Variants in PCDHA10 observed in about 807,000 individuals in gnomAD.
PCDHA10 encodes protocadherin alpha 10.
Under a neutral mutation model 61.2 loss-of-function variants are expected in PCDHA10, and 45 were observed. The observed-to-expected ratio is 0.74, with a 90% CI of 0.58 to 0.94. The LOEUF is 0.94. Ranked by LOEUF, PCDHA10 falls within the 40% of genes least tolerant of loss-of-function variation. The probability of loss-of-function intolerance (pLI) is 0.00; values close to 1 mark genes in which losing one functional copy is unlikely to be tolerated. For missense variants in PCDHA10, 1,278 were observed against 1,236.2 expected (o/e 1.03, Z -0.51); for synonymous variants, 602 against 548.8 (o/e 1.10, Z -1.35).
At chr5:140,916,379 C>G (rs180755548) in intron 1 of PCDHA10, among the ~76,000 whole-genome samples, 2 of 152,302 alleles carry the variant, frequency 1.3e-5, no homozygotes, top group Admixed American at 6.5e-5. Context: ...GTAGCCACCA[C>G]AACTAGGAAT....
chr5:140,942,617 TG>T (rs1223896117), intron 1 of PCDHA10, among the ~76,000 whole-genome samples: 4 of 100,138 alleles, frequency 4.0e-5, no homozygotes, highest in Admixed American at 9.6e-5. Flanking sequence ...ATTTGCCAAT[TG>T]TAAAAAAAAA....
chr5:140,997,087 T>C (rs1218654416), intron 3 of PCDHA10, among the ~76,000 whole-genome samples: 4 of 152,156 alleles, frequency 2.6e-5, no homozygotes, highest in Non-Finnish European at 5.9e-5. Flanking sequence ...GAGTAGAAAG[T>C]GCAGAGTTCT....
chr5:140,954,610 A>T (rs1464657596), intron 1 of PCDHA10, among the ~76,000 whole-genome samples: 1 of 151,962 alleles, frequency 6.6e-6, no homozygotes, highest in East Asian at 1.9e-4. Flanking sequence ...CCACTTTTTA[A>T]TGGGCTTGTT....
At chr5:140,917,637 A>T (rs1257346290) in intron 1 of PCDHA10, among the ~76,000 whole-genome samples, 1 of 152,192 alleles carries the variant, frequency 6.6e-6, no homozygotes, top group Non-Finnish European at 1.5e-5. Context: ...TTAGCTAGTT[A>T]TCCCAGCAAT....
chr5:140,879,126 G>T (rs2057860982), intron 1 of PCDHA10, among the ~76,000 whole-genome samples: 2 of 152,182 alleles, frequency 1.3e-5, no homozygotes, highest in Admixed American at 1.3e-4. Context: ...GATTAGAGCA[G>T]GGGAGATTGT....
intron 1 of PCDHA10, among the ~76,000 whole-genome samples, chr5:140,880,655 G>A (rs782616371): frequency 6.6e-6 from 1 of 152,186 alleles, no homozygotes; most frequent in African/African-American, 2.4e-5. Context: ...CCCAACTGAG[G>A]TAAAGGTGAG....
chr5:140,953,837 C>T (rs1585533226), intron 1 of PCDHA10, among the ~76,000 whole-genome samples: 1 of 151,614 alleles, frequency 6.6e-6, no homozygotes, highest in African/African-American at 2.4e-5. Flanking sequence ...GGTTTGTTAC[C>T]CAGGTAAACA....
chr5:140,920,821 C>T (rs1389717155), intron 1 of PCDHA10, among the ~76,000 whole-genome samples: 11 of 146,336 alleles, frequency 7.5e-5, no homozygotes, highest in South Asian at 2.1e-4. Flanking sequence ...TCCAGCCTGG[C>T]GACGGAGCAA....
At chr5:140,915,083 C>T in intron 1 of PCDHA10, among the ~76,000 whole-genome samples, 1 of 151,628 alleles carries the variant, frequency 6.6e-6, no homozygotes, top group East Asian at 1.9e-4. Flanking sequence ...GTAGCTGGGA[C>T]TATGGGCACG....
At chr5:140,874,202 T>C (rs11741879) in intron 1 of PCDHA10, among the ~76,000 whole-genome samples, 12,321 of 152,316 alleles carry the variant, frequency 0.081, 541 homozygotes, top group Middle Eastern at 0.13. Context: ...TTCAGTTGCC[T>C]TTATTATTAT....
intron 2 of PCDHA10, among the ~76,000 whole-genome samples, chr5:140,981,337 G>A (rs2096927522): frequency 6.6e-6 from 1 of 152,146 alleles, no homozygotes; most frequent in African/African-American, 2.4e-5. Context: ...ACTTTGGGAG[G>A]GTGAGGCAGG....
intron 1 of PCDHA10, chr5:140,930,423 A>C (rs1366004853): frequency 6.6e-6 from 1 of 151,862 alleles, no homozygotes; most frequent in Non-Finnish European, 1.5e-5. Flanking sequence ...GGGTCTCACT[A>C]TGTTGCCCAG....
chr5:140,928,293 G>GT (rs2085123670), intron 1 of PCDHA10: 1 of 1,614,032 alleles, frequency 6.2e-7, no homozygotes, highest in South Asian at 1.1e-5. Context: ...TAGGCCGAGT[G>GT]TTTGCCCAGG....
At chr5:140,978,805 T>G in intron 1 of PCDHA10, 144 bp from the exon 2 acceptor site, 4 of 1,492,524 alleles carry the variant, frequency 2.7e-6, no homozygotes, top group Non-Finnish European at 3.6e-6. Flanking sequence ...GTAGATATCA[T>G]CATAGAGTTA....
At chr5:140,858,604 AT>A (rs2045515312) in intron 1 of PCDHA10, 168 bp downstream of exon 1, 6 of 1,276,538 alleles carry the variant, frequency 4.7e-6, no homozygotes, top group Non-Finnish European at 6.4e-6. Flanking sequence ...GAGTTTTAAA[AT>A]TTTTTTATCC....
intron 1 of PCDHA10, chr5:140,928,720 A>G (rs2085475122): frequency 6.2e-7 from 1 of 1,614,076 alleles, no homozygotes. Flanking sequence ...TAGTCTCTTT[A>G]GAATTTCAGC....
chr5:140,870,936 G>A (rs1554164882), intron 1 of PCDHA10: 5 of 1,613,820 alleles, frequency 3.1e-6, no homozygotes, highest in South Asian at 1.1e-5. Flanking sequence ...ATGAATTGCA[G>A]CCGGCGGCGG....
Position 141,011,530 on chromosome 5 carries a change from T to A in PCDHA10, c.*1593T>A, listed in dbSNP as rs1427621980. 1 of 153,810 alleles carries A rather than the reference T, an allele frequency of 6.5e-6. No individual in the cohort carries two copies. The highest frequency in any genetic ancestry group is 1.5e-5 in the Non-Finnish European group (1 of 68,042). The allele number at this position is 153,810 out of a possible 1,614,324, so 9.5% of individuals were successfully genotyped here. A position where few individuals can be genotyped will look rare whatever the true frequency, so the allele number is the denominator to read the frequency against. On this transcript the variant is annotated 3_prime_UTR_variant, in exon 4 of 4. Coordinates refer to ENST00000307360, the MANE Select transcript of PCDHA10 (RefSeq NM_018901.4). ...TGGAGTAGTGTTTTTTTAACCATTG[T>A]TAATCAGCTTTTGTGTATGAAAGAC...
chr5:140,858,263 T>C lies in PCDHA10; in HGVS notation c.2215T>C (p.Cys739Arg), dbSNP rs781901851. ...TGGGCCGGTGAAGCCCACGCTGGTGTGCTCTAGCGCGGTGGGGAGCTGGTC... is the reference window on the plus strand; with the variant it reads ...TGGGCCGGTGAAGCCCACGCTGGTGCGCTCTAGCGCGGTGGGGAGCTGGTC... ...ACGPVKPTLVCSSAVGSWSYS... is the reference protein window; with the variant it reads ...ACGPVKPTLVRSSAVGSWSYS... Residue 739 changes from cysteine (C) to arginine (R), a missense_variant, in exon 1 of 4, where the codon TGC becomes CGC. Transcript: ENST00000307360. 2.5e-6 allele frequency: 4 copies of C among 1,596,360 alleles called. No homozygotes were observed. The African/African-American group carries it at 4.0e-5, about 16-fold the overall frequency.
Sources: gnomAD v4.1 joint callset for allele counts (sites outside exome capture counted in the v4.1 genomes callset) on GRCh38, gnomAD v4.1.1 for gene constraint, MANE v1.5 for transcripts, NCBI Gene and HGNC (gene_info 2026-07-23, HGNC 2026-07-21) for gene names.